Variants in GMIP observed in about 807,000 individuals in gnomAD.
The protein encoded by GMIP is GEM interacting protein, also known as GEM-interacting protein.
GMIP carries 54 observed loss-of-function variants against 105.3 expected under a neutral mutation model. The observed-to-expected ratio is 0.51, with a 90% CI of 0.41 to 0.64. GMIP has a LOEUF of 0.64. Ranked by LOEUF, GMIP falls within the 30% of genes least tolerant of loss-of-function variation. GMIP has a pLI of 0.00. For missense variants in GMIP, 1,110 were observed against 1,319.4 expected, an observed-to-expected ratio of 0.84 and a Z score of 2.46; for synonymous variants, 541 against 560.8, an observed-to-expected ratio of 0.96 and a Z score of 0.50.
rs1454857799 is a variant in GMIP, at chr19:19,634,493, G to A, written c.2084+14C>T. The A allele has an allele frequency of 1.3e-6, 2 of 1,590,346 alleles. No homozygotes were observed. Among genetic ancestry groups the A allele is most frequent in the Non-Finnish European group, 1.7e-6 (2 of 1,172,440 alleles). On this transcript the variant is annotated intron_variant, in intron 18 of 20. Transcript: ENST00000203556. The surrounding 1 kb of genome is among the most constrained non-coding windows in gnomAD (Gnocchi z 6.1). Reference sequence around the variant, plus strand: ...AAAAGGGTCGCGTTTCAAGGCTCAGGGACCCATGCACACCTGAACAGATGG... The same window carrying A: ...AAAAGGGTCGCGTTTCAAGGCTCAGAGACCCATGCACACCTGAACAGATGG...
chr19:19,643,164 G>C, intron 1 of GMIP: 1 of 309,646 alleles, frequency 3.2e-6, no homozygotes, highest in South Asian at 8.2e-5. Flanking sequence ...CGACTCCCCA[G>C]GGCTACAGAG....
In GMIP at chr19:19,643,165, G is replaced by A. The variant is rs2061941823; in HGVS notation, c.19+346C>T. The A allele has an allele frequency of 1.3e-5, 4 of 310,428 alleles. No homozygotes were observed. The East Asian group carries it at 2.2e-4, about 17-fold the overall frequency. 19.2% of individuals were successfully genotyped at this position (310,428 alleles called of 1,614,324 possible). A position where few individuals can be genotyped will look rare whatever the true frequency, so the allele number is the denominator to read the frequency against. On this transcript the variant is annotated intron_variant, in intron 1 of 20. Transcript: ENST00000203556. ...TAGACCAGCACTGCCGACTCCCCAG[G>A]GCTACAGAGGGGCCCTGTGGGGATC...
Position 19,630,104 on chromosome 19 carries a change from G to A in GMIP, c.2772C>T (p.Pro924=). Residue 924 remains proline (P), a synonymous_variant, in exon 21 of 21, where the codon CCC becomes CCT. Coordinates refer to ENST00000203556, the MANE Select transcript of GMIP (RefSeq NM_016573.4). This position sits in a 1 kb window ranked among gnomAD's most constrained non-coding sequence, Gnocchi z 4.8. ...GCTTGGGCAGCGGGGTGCGGCGCAG[G>A]GGGCTGCCCTCAGGGGAGGCAGCTG... The part of the protein sequence containing the change: ...SPAAASPEGS[P]LRRTPLPKHF... 1 of 1,610,504 alleles carries A rather than the reference G, an allele frequency of 6.2e-7. No individual in the cohort carries two copies. Among genetic ancestry groups the A allele is most frequent in the Non-Finnish European group, 8.5e-7 (1 of 1,178,412 alleles).
At position 19,638,459 on chromosome 19, in the gene GMIP, C is replaced by T; in HGVS notation, c.561G>A (p.Glu187=). 1 of 1,614,158 alleles carries T rather than the reference C, an allele frequency of 6.2e-7. No homozygotes were observed. The highest frequency in any genetic ancestry group is 8.5e-7 in the Non-Finnish European group (1 of 1,180,032). The change falls in exon 8 of 21, where the codon GAG becomes GAA. Residue 187 remains glutamate (E), a synonymous_variant. Transcript: ENST00000203556. ...YYQPLAAKRT[E]IEKWRKEFKE... ...TGAACTCCTTCCGCCACTTCTCAAT[C>T]TCAGTCCGTTTGGCGGCGAGGGGCT...
At chr19:19,642,881 T>G (rs2061938021) in intron 1 of GMIP, among the ~76,000 whole-genome samples, 1 of 151,736 alleles carries the variant, frequency 6.6e-6, no homozygotes, top group Non-Finnish European at 1.5e-5. Flanking sequence ...ACAAAACAGA[T>G]GCCCCAGATG....
Position 19,630,614 on chromosome 19 carries a change from T to C in GMIP, c.2473-77A>G. 1 of 1,301,904 alleles carries C rather than the reference T, an allele frequency of 7.7e-7. No homozygotes were observed. The highest frequency in any genetic ancestry group is 1.7e-5 in the Admixed American group (1 of 58,712). 80.6% of individuals were successfully genotyped at this position (1,301,904 alleles called of 1,614,324 possible). A position where few individuals can be genotyped will look rare whatever the true frequency, so the allele number is the denominator to read the frequency against. On this transcript the variant is annotated intron_variant, in intron 19 of 20. Coordinates refer to ENST00000203556, the MANE Select transcript of GMIP (RefSeq NM_016573.4). The surrounding 1 kb of genome is among the most constrained non-coding windows in gnomAD (Gnocchi z 4.8). ...TGAGATTCCTGGAGAGCCAAGGGCT[T>C]GTTCCTGGACATGCAAAAGGAATAG...
Position 19,640,370 on chromosome 19 carries a change from G to T in GMIP, c.365-10C>A. On this transcript the variant is annotated splice_polypyrimidine_tract_variant and intron_variant, in intron 5 of 20. Coordinates refer to ENST00000203556, the MANE Select transcript of GMIP (RefSeq NM_016573.4). ...TTAGCAAACTCCAGCTCTGGGGGAA[G>T]AGAGAGCCGGGCTCTGGGTCTAGCT... The T allele has an allele frequency of 6.2e-7, 1 of 1,614,082 alleles. No homozygotes were observed. Among genetic ancestry groups the T allele is most frequent in the South Asian group, 1.1e-5 (1 of 91,084 alleles).
intron 19 of GMIP, 63 bp downstream of exon 19, chr19:19,633,740 A>G (rs2061819184): frequency 1.7e-6 from 2 of 1,164,780 alleles, no homozygotes; most frequent in Non-Finnish European, 2.3e-6. Context: ...GGTGAAAGAG[A>G]AGGTAAGAGA....
chr19:19,641,988 A>T lies in GMIP; in HGVS notation c.168T>A (p.Pro56=). ...LSEDPEPDKT[P]TATVTNEASC... ...ACTCCCCACTCACAACAGTGGCTGT[A>T]GGGGTCTTGTCAGGTTCTGGGTCTT... is the stretch of plus-strand genomic sequence containing the variant. Residue 56 remains proline (P), a synonymous_variant, in exon 3 of 21, where the codon CCT becomes CCA. Transcript: ENST00000203556. 1.9e-6 allele frequency: 3 copies of T among 1,612,690 alleles called. No individual in the cohort carries two copies. The highest frequency in any genetic ancestry group is 2.5e-6 in the Non-Finnish European group (3 of 1,178,768).
In GMIP at chr19:19,630,156, C is replaced by T. The variant is rs547661851; in HGVS notation, c.2720G>A (p.Ser907Asn). The change falls in exon 21 of 21, where the codon AGT becomes AAT. Residue 907 changes from serine (S) to asparagine (N), a missense_variant. Transcript: ENST00000203556. This position sits in a 1 kb window ranked among gnomAD's most constrained non-coding sequence, Gnocchi z 4.8. ...AGGGCTGGGCCCCCGCCCCCGCAAACTCCCTCTGGGCACTGATGTGATGGG... is the reference window on the plus strand; with the variant it reads ...AGGGCTGGGCCCCCGCCCCCGCAAATTCCCTCTGGGCACTGATGTGATGGG... Reference protein sequence around the residue: ...ETPITSVPRGSLRGRGPSPAA... With the variant: ...ETPITSVPRGNLRGRGPSPAA... 1.8e-5 allele frequency: 29 copies of T among 1,604,698 alleles called. No individual in the cohort carries two copies. In the South Asian group the frequency reaches 2.9e-4, roughly 16 times the overall value.
At position 19,630,418 on chromosome 19, in the gene GMIP, C is replaced by A; in HGVS notation, c.2539+53G>T. 1 of 1,603,420 alleles carries A rather than the reference C, an allele frequency of 6.2e-7. No homozygotes were observed. Among genetic ancestry groups the A allele is most frequent in the Middle Eastern group, 1.7e-4 (1 of 6,000 alleles). ...CCAGGAGTCATCTTTTAGCAAGCCA[C>A]CCTGGGGCCAGGGCACCCCCAGAAC... On this transcript the variant is annotated intron_variant, in intron 20 of 20. Coordinates refer to ENST00000203556, the MANE Select transcript of GMIP (RefSeq NM_016573.4). This position sits in a 1 kb window ranked among gnomAD's most constrained non-coding sequence, Gnocchi z 4.8.
rs758077208 is a variant in GMIP at position 19,638,149 on chromosome 19, G to T, written c.789+10C>A. 3.5e-4 allele frequency: 549 copies of T among 1,577,638 alleles called. 3 individuals are homozygous for T. Among genetic ancestry groups the T allele is most frequent in the Non-Finnish European group, 5.6e-5 (65 of 1,170,410 alleles). ...CACAGCGCTACAGGGGCTCGGGGCC[G>T]GGTGCCCACCTTGGCCTGGGCCTCC... On this transcript the variant is annotated intron_variant, in intron 9 of 20. Coordinates refer to ENST00000203556, the MANE Select transcript of GMIP (RefSeq NM_016573.4).
rs917144092 is a variant in GMIP, at chr19:19,637,687, G to C, written c.928-126C>G. ...GTTTGGGACGCACCTGGGCGGCTTA[G>C]GAACTAGGGCAGTCGGCCAGGGGAC... is the stretch of plus-strand genomic sequence containing the variant. On this transcript the variant is annotated intron_variant, in intron 10 of 20. Transcript: ENST00000203556. The surrounding 1 kb of genome is among the most constrained non-coding windows in gnomAD (Gnocchi z 6.7). The C allele has an allele frequency of 8.7e-5, 77 of 889,504 alleles. No homozygotes were observed. Among genetic ancestry groups the C allele is most frequent in the Non-Finnish European group, 1.6e-5 (10 of 608,814 alleles). 55.1% of individuals were successfully genotyped at this position (889,504 alleles called of 1,614,324 possible).
chr19:19,630,256 G>C lies in GMIP; in HGVS notation c.2620C>G (p.Arg874Gly). The C allele has an allele frequency of 6.4e-7, 1 of 1,565,840 alleles. No homozygotes were observed. The highest frequency in any genetic ancestry group is 8.7e-7 in the Non-Finnish European group (1 of 1,153,832). Residue 874 changes from arginine to glycine, a missense_variant, in exon 21 of 21, where the codon CGG (arginine) becomes GGG (glycine). Arg to Gly is a moderately radical substitution (Grantham distance 125). Coordinates refer to ENST00000203556, the MANE Select transcript of GMIP (RefSeq NM_016573.4). This position sits in a 1 kb window ranked among gnomAD's most constrained non-coding sequence, Gnocchi z 4.8. The part of the protein sequence containing the change: ...HFSRQPVKYP[R>G]GGVRPVTHQL... ...TGGGTTACAGGCCTCACACCGCCCC[G>C]GGGATACTTCACTGGCTGGCGGCTG...
At chr19:19,641,215 G>A (rs1322566889) in intron 4 of GMIP, among the ~76,000 whole-genome samples, 1 of 152,146 alleles carries the variant, frequency 6.6e-6, no homozygotes, top group Non-Finnish European at 1.5e-5. Context: ...CGAGTATCTG[G>A]GACTACAGGC....
At chr19:19,631,323 T>C (rs953765335) in intron 19 of GMIP, among the ~76,000 whole-genome samples, 2 of 151,954 alleles carry the variant, frequency 1.3e-5, no homozygotes, top group Admixed American at 6.6e-5. Context: ...GCCCAGGGAG[T>C]GGCTCAGCCC....
chr19:19,635,275 C>T lies in GMIP; in HGVS notation c.1561-62G>A, dbSNP rs1443141275. On this transcript the variant is annotated intron_variant, in intron 15 of 20. Coordinates refer to ENST00000203556, the MANE Select transcript of GMIP (RefSeq NM_016573.4). This position sits in a 1 kb window ranked among gnomAD's most constrained non-coding sequence, Gnocchi z 4.7. ...GGACCAGTAGGGGAAGAGAAGGTTA[C>T]AAGGATCCTCAAGGAATGGGGGCTC... 1 of 1,534,166 alleles carries T rather than the reference C, an allele frequency of 6.5e-7. No homozygotes were observed. Among genetic ancestry groups the T allele is most frequent in the Non-Finnish European group, 8.9e-7 (1 of 1,120,018 alleles).
chr19:19,631,257 G>A (rs767788845), intron 19 of GMIP, among the ~76,000 whole-genome samples: 3 of 152,154 alleles, frequency 2.0e-5, no homozygotes, highest in Non-Finnish European at 2.9e-5. Flanking sequence ...GTCATTCATT[G>A]AGTCTGGACC....
At chr19:19,631,620 G>T (rs568352001) in intron 19 of GMIP, among the ~76,000 whole-genome samples, 1 of 152,200 alleles carries the variant, frequency 6.6e-6, no homozygotes, top group Non-Finnish European at 1.5e-5. Context: ...CTAGCAATCC[G>T]GAGCAGCGGG....
Sources: gnomAD v4.1 joint callset for allele counts (sites outside exome capture counted in the v4.1 genomes callset) on GRCh38, gnomAD v4.1.1 for gene constraint, Gnocchi (gnomAD v3.1) non-coding constraint, MANE v1.5 for transcripts, NCBI Gene and HGNC (gene_info 2026-07-23, HGNC 2026-07-21) for gene names.